ENGASE: variants seen among roughly 807,000 people sequenced by gnomAD.
ENGASE encodes the protein endo-beta-N-acetylglucosaminidase.
Under a neutral mutation model 78.5 loss-of-function variants are expected in ENGASE, and 69 were observed. That is an observed-to-expected ratio of 0.88 (90% confidence interval 0.72 to 1.07). ENGASE has a LOEUF of 1.07. Among genes scored for constraint, ENGASE ranks in the 50% least tolerant of loss-of-function variants. The pLI is 0.00. For missense variants in ENGASE, 943 were observed against 988.4 expected (o/e 0.95, Z 0.62); for synonymous variants, 408 against 408.9 (o/e 1.00, Z 0.03).
At position 79,083,944 on chromosome 17, in the gene ENGASE, G is replaced by T; in HGVS notation, c.1435G>T (p.Ala479Ser). 1.2e-6 allele frequency: 2 copies of T among 1,609,604 alleles called. No homozygotes were observed. The highest frequency in any genetic ancestry group is 1.7e-6 in the Non-Finnish European group (2 of 1,179,516). ...GVIPPEVGNVAVRLFSLQAPV... is the reference protein window; with the variant it reads ...GVIPPEVGNVSVRLFSLQAPV... Reference sequence around the variant, plus strand: ...GATCCCACCGGAGGTTGGAAATGTGGCTGTGAGGTGGGTGAGTGACGGAGG... The same window carrying T: ...GATCCCACCGGAGGTTGGAAATGTGTCTGTGAGGTGGGTGAGTGACGGAGG... Residue 479 changes from alanine to serine, a missense_variant, in exon 10 of 14, where the codon GCT (alanine) becomes TCT (serine). Physicochemically the swap from Ala to Ser is moderately conservative, Grantham distance 99 (BLOSUM62 1). Coordinates refer to ENST00000579016, the MANE Select transcript of ENGASE (RefSeq NM_001042573.3). The surrounding 1 kb of genome is among the most constrained non-coding windows in gnomAD (Gnocchi z 4.9).
chr17:79,085,169 T>C (rs2073257800), intron 11 of ENGASE, 65 bp from the exon 12 acceptor site: 9 of 1,328,830 alleles, frequency 6.8e-6, no homozygotes, highest in Non-Finnish European at 8.7e-6. Flanking sequence ...GCGCCCTTGG[T>C]GGTCCTTCTC....
Position 79,083,278 on chromosome 17 carries a change from T to C in ENGASE, c.1142+155T>C, listed in dbSNP as rs992818029. On this transcript the variant is annotated intron_variant, in intron 8 of 13. Coordinates refer to ENST00000579016, the MANE Select transcript of ENGASE (RefSeq NM_001042573.3). The surrounding 1 kb of genome is among the most constrained non-coding windows in gnomAD (Gnocchi z 4.9). ...GGGAGGAAGCCAGCACCCTGGCTGC[T>C]TCCGGGCAGGGACCAAACCCAGCGG... 2.7e-6 allele frequency: 2 copies of C among 730,246 alleles called. No homozygotes were observed. Among genetic ancestry groups the C allele is most frequent in the African/African-American group, 3.6e-5 (2 of 56,208 alleles). 45.2% of individuals were successfully genotyped at this position (730,246 alleles called of 1,614,324 possible).
Position 79,079,344 on chromosome 17 carries a change from TG to T in ENGASE, c.417-144del, listed in dbSNP as rs368644397. The T allele has an allele frequency of 3.5e-6, 3 of 869,222 alleles. No homozygotes were observed. The African/African-American group carries it at 5.2e-5, about 15-fold the overall frequency. The allele number at this position is 869,222 out of a possible 1,614,324, so 53.8% of individuals were successfully genotyped here. A position where few individuals can be genotyped will look rare whatever the true frequency, so the allele number is the denominator to read the frequency against. Reference sequence around the variant, plus strand: ...ACACCTGGCTAATTTTTCCAGTTTTTGTGGGGAGAGATGGGGTTTTGCCATG... The same window carrying T: ...ACACCTGGCTAATTTTTCCAGTTTTTTGGGGAGAGATGGGGTTTTGCCATG... On this transcript the variant is annotated intron_variant, in intron 3 of 13. Transcript: ENST00000579016.
chr17:79,085,507 C>T (rs1267450616), intron 12 of ENGASE, 113 bp from the exon 13 acceptor site: 5 of 1,460,430 alleles, frequency 3.4e-6, no homozygotes, highest in Admixed American at 2.1e-5. Flanking sequence ...GGCCTGGGGT[C>T]CCCCATGACC....
chr17:79,086,035 C>G lies in ENGASE; in HGVS notation c.1918C>G (p.Pro640Ala), dbSNP rs1291088614. ...QPSASEREGP[P>A]ALLQLSCTLH... ...ATCCGCCTCTGAGCGGGAGGGGCCC[C>G]CTGCTCTGCTCCAGCTCAGCTGCAC... Residue 640 changes from proline to alanine, a missense_variant, in exon 14 of 14, where the codon CCT becomes GCT. Transcript: ENST00000579016. 6.2e-7 allele frequency: 1 copy of G among 1,613,046 alleles called. No homozygotes were observed. Among genetic ancestry groups the G allele is most frequent in the Non-Finnish European group, 8.5e-7 (1 of 1,180,046 alleles).
At chr17:79,082,223 C>G (rs1315279456) in intron 7 of ENGASE, 160 bp downstream of exon 7, 2 of 1,550,848 alleles carry the variant, frequency 1.3e-6, no homozygotes, top group African/African-American at 1.4e-5. Context: ...GTGTCCTGCC[C>G]CGGCCAAGCT....
Position 79,081,022 on chromosome 17 carries a change from T to C in ENGASE, c.821T>C (p.Val274Ala). The change falls in exon 6 of 14, where the codon GTG becomes GCG. Residue 274 changes from valine (V) to alanine (A), a missense_variant. Physicochemically the swap from Val to Ala is moderately conservative, Grantham distance 64. Transcript: ENST00000579016. ...PGGLVLWYDSVVQSGQLKWQD... is the reference protein window; with the variant it reads ...PGGLVLWYDSAVQSGQLKWQD... ...GGCCTGGTGCTCTGGTATGACAGCGTGGTGCAAAGTGGGCAGCTCAAATGG... is the reference window on the plus strand; with the variant it reads ...GGCCTGGTGCTCTGGTATGACAGCGCGGTGCAAAGTGGGCAGCTCAAATGG... 1 of 1,610,616 alleles carries C rather than the reference T, an allele frequency of 6.2e-7. No homozygotes were observed. Among genetic ancestry groups the C allele is most frequent in the Non-Finnish European group, 8.5e-7 (1 of 1,179,492 alleles).
chr17:79,087,304 T>C lies in ENGASE; in HGVS notation c.*955T>C. On this transcript the variant is annotated 3_prime_UTR_variant, in exon 14 of 14. Coordinates refer to ENST00000579016, the MANE Select transcript of ENGASE (RefSeq NM_001042573.3). ...CTCTGTTCCTTCACGTCCTCCCTTC[T>C]CAGCCTCGTCCAAGCACCGGGAAGA... is the stretch of plus-strand genomic sequence containing the variant. The C allele has an allele frequency of 3.0e-6, 1 of 332,650 alleles. No individual in the cohort carries two copies. Among genetic ancestry groups the C allele is most frequent in the Non-Finnish European group, 6.0e-6 (1 of 165,898 alleles). 20.6% of individuals were successfully genotyped at this position (332,650 alleles called of 1,614,324 possible).
chr17:79,083,186 C>T lies in ENGASE; in HGVS notation c.1142+63C>T. The T allele has an allele frequency of 8.1e-7, 1 of 1,227,578 alleles. No homozygotes were observed. Among genetic ancestry groups the T allele is most frequent in the Non-Finnish European group, 1.2e-6 (1 of 842,900 alleles). The allele number at this position is 1,227,578 out of a possible 1,614,324, so 76.0% of individuals were successfully genotyped here. A position where few individuals can be genotyped will look rare whatever the true frequency, so the allele number is the denominator to read the frequency against. Reference sequence around the variant, plus strand: ...TGGGAGGGAGGGGTTTCTGGTGTCTCTGATAGGACACGTTTGTGCTCTTTA... The same window carrying T: ...TGGGAGGGAGGGGTTTCTGGTGTCTTTGATAGGACACGTTTGTGCTCTTTA... On this transcript the variant is annotated intron_variant, in intron 8 of 13. Coordinates refer to ENST00000579016, the MANE Select transcript of ENGASE (RefSeq NM_001042573.3). The surrounding 1 kb of genome is among the most constrained non-coding windows in gnomAD (Gnocchi z 4.9).
rs987917280 is a variant in ENGASE at position 79,080,850 on chromosome 17, G to A, written c.724-75G>A. 41 of 1,527,284 alleles carry A rather than the reference G, an allele frequency of 2.7e-5. No homozygotes were observed. In the South Asian group the frequency reaches 3.5e-4, roughly 13 times the overall value. 94.6% of individuals were successfully genotyped at this position (1,527,284 alleles called of 1,614,324 possible). On this transcript the variant is annotated intron_variant, in intron 5 of 13. Coordinates refer to ENST00000579016, the MANE Select transcript of ENGASE (RefSeq NM_001042573.3). ...CTGTTTGCTCTGCATCCCCCTGTCT[G>A]TCCAGCGCTGGATACTTCTCATGAT...
In ENGASE at chr17:79,078,978, C is replaced by G. The variant is rs1371758042; in HGVS notation, c.417-511C>G. Among the ~76,000 whole-genome samples the G allele has an allele frequency of 2.0e-5, 3 of 152,162 alleles. No homozygotes were observed. In the East Asian group the frequency reaches 5.8e-4, roughly 29 times the overall value. ...GATGCAATGGCAGATGCCTGATGCC[C>G]CGGTCAGAGCACTCTGCCTGTGGCT... On this transcript the variant is annotated intron_variant, in intron 3 of 13. Transcript: ENST00000579016.
Position 79,074,834 on chromosome 17 carries a change from TCGGAGTCCCGTCCCAGCG to T in ENGASE, c.-107_-90del. ...GCGCGGCCGCTGGCCGGGAGTCAGC[TCGGAGTCCCGTCCCAGCG>T]CGGCGTCAGCGCTGCGCACTTCCCA... On this transcript the variant is annotated 5_prime_UTR_variant, in exon 1 of 14. Transcript: ENST00000579016. 1 of 1,198,476 alleles carries T rather than the reference TCGGAGTCCCGTCCCAGCG, an allele frequency of 8.3e-7. No individual in the cohort carries two copies. Among genetic ancestry groups the T allele is most frequent in the Non-Finnish European group, 1.0e-6 (1 of 965,568 alleles). The allele number at this position is 1,198,476 out of a possible 1,614,324, so 74.2% of individuals were successfully genotyped here. A position where few individuals can be genotyped will look rare whatever the true frequency, so the allele number is the denominator to read the frequency against.
intron 10 of ENGASE, chr17:79,084,298 T>C: frequency 5.9e-6 from 3 of 512,096 alleles, no homozygotes; most frequent in Non-Finnish European, 3.4e-6. Flanking sequence ...TTGGATACTT[T>C]AGATGCCCCA....
chr17:79,082,778 G>A (rs922172294), intron 7 of ENGASE: 1 of 1,473,486 alleles, frequency 6.8e-7, no homozygotes, highest in Non-Finnish European at 9.0e-7. Context: ...TTGGGGCCCA[G>A]CCCCTGCCCC....
At chr17:79,081,407 C>T (rs1018615394) in intron 6 of ENGASE, among the ~76,000 whole-genome samples, 7 of 152,156 alleles carry the variant, frequency 4.6e-5, no homozygotes, top group African/African-American at 1.7e-4. Flanking sequence ...GAGGCTGAGG[C>T]AGGAGAATGG....
chr17:79,083,392 A>G lies in ENGASE; in HGVS notation c.1143-90A>G. ...AGTCCTGTCTTGGAGGGTGCAGGAGAGCCTCGAGTTTCCACCAGCAAGTTT... is the reference window on the plus strand; with the variant it reads ...AGTCCTGTCTTGGAGGGTGCAGGAGGGCCTCGAGTTTCCACCAGCAAGTTT... On this transcript the variant is annotated intron_variant, in intron 8 of 13. Transcript: ENST00000579016. The surrounding 1 kb of genome is among the most constrained non-coding windows in gnomAD (Gnocchi z 4.9). The G allele has an allele frequency of 2.1e-6, 2 of 960,012 alleles. No individual in the cohort carries two copies. Among genetic ancestry groups the G allele is most frequent in the Non-Finnish European group, 3.2e-6 (2 of 619,930 alleles). The allele number at this position is 960,012 out of a possible 1,614,324, so 59.5% of individuals were successfully genotyped here.
chr17:79,076,710 A>G (rs1184611085), intron 1 of ENGASE, among the ~76,000 whole-genome samples: 7 of 152,198 alleles, frequency 4.6e-5, no homozygotes, highest in Admixed American at 3.9e-4. Flanking sequence ...AGTGTGGCCT[A>G]TAGAGGAAGC....
intron 7 of ENGASE, chr17:79,082,329 T>C: frequency 7.4e-7 from 1 of 1,352,168 alleles, no homozygotes; most frequent in Non-Finnish European, 9.6e-7. Flanking sequence ...GTTCCCCCGC[T>C]GTCCGGTCCT....
chr17:79,075,934 T>C, intron 1 of ENGASE: 1 of 979,242 alleles, frequency 1.0e-6, no homozygotes. Context: ...TGGGAGGGGG[T>C]GGCTGAAGTA....
Sources: gnomAD v4.1 joint callset for allele counts (sites outside exome capture counted in the v4.1 genomes callset) on GRCh38, gnomAD v4.1.1 for gene constraint, Gnocchi (gnomAD v3.1) non-coding constraint, MANE v1.5 for transcripts, NCBI Gene and HGNC (gene_info 2026-07-23, HGNC 2026-07-21) for gene names.